TENM2: variants seen among roughly 807,000 people sequenced by gnomAD.
The protein encoded by TENM2 is teneurin-2.
Under a neutral mutation model 245.2 loss-of-function variants are expected in TENM2, and 52 were observed. The observed-to-expected ratio is 0.21, with a 90% confidence interval of 0.17 to 0.27. The LOEUF (loss-of-function observed/expected upper bound fraction) is 0.27, where lower values mean the gene tolerates loss of function less well. Among genes scored for constraint, TENM2 ranks in the 10% least tolerant of loss-of-function variants. The pLI, the probability that TENM2 is intolerant of heterozygous loss-of-function variation, is 1.00. For missense variants in TENM2, 3,046 were observed against 3,666.8 expected, an observed-to-expected ratio of 0.83 and a Z score of 4.37; for synonymous variants, 1,363 against 1,438.9, an observed-to-expected ratio of 0.95 and a Z score of 1.19.
intron 2 of TENM2, among the ~76,000 whole-genome samples, chr5:167,867,394 G>A (rs759244710): frequency 3.3e-5 from 5 of 152,122 alleles, no homozygotes; most frequent in Non-Finnish European, 4.4e-5. Flanking sequence ...AAATGCATAG[G>A]GTCTCAAACT....
chr5:167,060,841 G>T, the TENM2 span, among the ~76,000 whole-genome samples: 2 of 151,670 alleles, frequency 1.3e-5, no homozygotes, highest in Non-Finnish European at 2.9e-5. Context: ...ATTCATTTTG[G>T]ACTCACCACA....
chr5:167,682,112 C>CTCTG (rs1756760900), intron 2 of TENM2, among the ~76,000 whole-genome samples: 1 of 94,732 alleles, frequency 1.1e-5, no homozygotes, highest in African/African-American at 5.5e-5. Context: ...CTCCCTCCCT[C>CTCTG]CCTCCCTCCC....
chr5:167,420,073 T>C (rs973605801), intron 2 of TENM2, among the ~76,000 whole-genome samples: 1 of 152,218 alleles, frequency 6.6e-6, no homozygotes, highest in African/African-American at 2.4e-5. Context: ...TATAGAGTTT[T>C]ATACTTTGCA....
chr5:167,278,463 T>A, the TENM2 span, among the ~76,000 whole-genome samples: 5 of 152,210 alleles, frequency 3.3e-5, no homozygotes, highest in African/African-American at 1.2e-4. Context: ...CTTTTATTTT[T>A]AATTTTCTTT....
intron 2 of TENM2, among the ~76,000 whole-genome samples, chr5:167,782,139 C>A (rs1285930191): frequency 6.6e-6 from 1 of 151,454 alleles, no homozygotes; most frequent in African/African-American, 2.4e-5. Context: ...CATGGAGAAA[C>A]CCAGTCTCTA....
intron 2 of TENM2, among the ~76,000 whole-genome samples, chr5:167,666,579 T>G (rs940893140): frequency 6.6e-6 from 1 of 152,128 alleles, no homozygotes; most frequent in Non-Finnish European, 1.5e-5. Flanking sequence ...TATTTGAGAG[T>G]TGGCTGAGAT....
chr5:167,221,393 A>G, the TENM2 span, among the ~76,000 whole-genome samples: 1 of 152,190 alleles, frequency 6.6e-6, no homozygotes. Flanking sequence ...CTGACCTAGT[A>G]AGGTTAGTAC....
At chr5:167,871,795 T>C (rs974074221) in intron 2 of TENM2, among the ~76,000 whole-genome samples, 9 of 152,270 alleles carry the variant, frequency 5.9e-5, no homozygotes, top group Admixed American at 5.2e-4. Flanking sequence ...GGTGAATGTC[T>C]ATCACCTGGT....
At position 168,189,770 on chromosome 5, in the gene TENM2, T is replaced by TA. The variant is rs545247922; in HGVS notation, c.2570-560dup. The stretch of plus-strand genomic sequence containing the variant: ...TGCATTTTAGTTTTTTTTAATTTGA[T>TA]AAAAAAATTGTATTTCTAATAGAGA... On this transcript the variant is annotated intron_variant, in intron 13 of 28. Coordinates refer to ENST00000518659, the Ensembl canonical transcript of TENM2. Among the ~76,000 whole-genome samples, 66 of 152,254 alleles carry TA rather than the reference T, an allele frequency of 4.3e-4. 2 individuals carry two copies. The East Asian group carries it at 0.01, about 24-fold the overall frequency.
chr5:167,824,485 A>G (rs1767798626), intron 2 of TENM2, among the ~76,000 whole-genome samples: 2 of 152,130 alleles, frequency 1.3e-5, no homozygotes, highest in South Asian at 4.1e-4. Flanking sequence ...TTTTAAGAGA[A>G]CTGGCCTGGC....
chr5:167,895,454 C>T (rs143624176), intron 3 of TENM2, among the ~76,000 whole-genome samples: 1 of 152,206 alleles, frequency 6.6e-6, no homozygotes, highest in Admixed American at 6.5e-5. Flanking sequence ...GCTAACTTGA[C>T]CAAATGCATG....
the TENM2 span, among the ~76,000 whole-genome samples, chr5:167,230,014 T>C: frequency 2.0e-5 from 3 of 152,122 alleles, no homozygotes; most frequent in Non-Finnish European, 2.9e-5. Context: ...AGCCTCTGTT[T>C]GGTAGGATGG....
At chr5:168,003,241 T>A (rs1784540136) in intron 5 of TENM2, among the ~76,000 whole-genome samples, 2 of 151,980 alleles carry the variant, frequency 1.3e-5, no homozygotes, top group South Asian at 2.1e-4. Flanking sequence ...TTTTATCCAG[T>A]CTGTTTTAAT....
the TENM2 span, among the ~76,000 whole-genome samples, chr5:167,070,284 A>ATTTATTTTTTTTTTTTTT: frequency 1.0e-5 from 1 of 99,350 alleles, no homozygotes; most frequent in South Asian, 3.4e-4. Context: ...CGCCCGGCTA[A>ATTTATTTTTTTTTTTTTT]TTTTTTTTTT....
At chr5:167,097,968 G>A in the TENM2 span, among the ~76,000 whole-genome samples, 16 of 152,098 alleles carry the variant, frequency 1.1e-4, no homozygotes, top group Non-Finnish European at 2.2e-4. Context: ...GACAATATTA[G>A]AATGATGTTA....
chr5:167,780,925 T>C (rs1764147594), intron 2 of TENM2, among the ~76,000 whole-genome samples: 1 of 152,242 alleles, frequency 6.6e-6, no homozygotes, highest in Non-Finnish European at 1.5e-5. Flanking sequence ...GTCAACACTT[T>C]TGTTTCCACT....
chr5:167,993,882 T>G (rs1783854604), intron 5 of TENM2, among the ~76,000 whole-genome samples: 1 of 152,202 alleles, frequency 6.6e-6, no homozygotes, highest in South Asian at 2.1e-4. Flanking sequence ...GTTGCTGGAG[T>G]ATCTTTCTCT....
rs1456817958 is a variant in TENM2, at chr5:167,367,508, CT to C, written c.227-7687del. Among the ~76,000 whole-genome samples, 7 of 152,118 alleles carry C rather than the reference CT, an allele frequency of 4.6e-5. No individual in the cohort carries two copies. In the South Asian group the frequency reaches 1.5e-3, roughly 32 times the overall value. On this transcript the variant is annotated intron_variant, in intron 1 of 28. Coordinates refer to ENST00000518659, the Ensembl canonical transcript of TENM2. ...ATCTAAATATGTAAAAACAGATGAA[CT>C]TTAAAAGGTCATTAAAAGAGAGTTT...
intron 14 of TENM2, among the ~76,000 whole-genome samples, chr5:168,194,826 C>T (rs1761258991): frequency 6.6e-6 from 1 of 152,106 alleles, no homozygotes. Flanking sequence ...TGTGGAAGCT[C>T]TCACCCGAGT....
Sources: allele counts gnomAD v4.1 joint callset (sites outside exome capture counted in the v4.1 genomes callset), GRCh38; gene constraint gnomAD v4.1.1; transcripts MANE v1.5; gene names NCBI Gene and HGNC (gene_info 2026-07-23, HGNC 2026-07-21).